CEACAM4: variants seen among roughly 807,000 people sequenced by gnomAD.
The protein encoded by CEACAM4 is cell adhesion molecule CEACAM4.
A neutral mutation model predicts 28.7 loss-of-function variants in CEACAM4; 30 were observed. That is an observed-to-expected ratio of 1.05 (90% CI 0.78 to 1.42). The LOEUF is 1.42. CEACAM4 is among the 40% of genes most tolerant of loss of function. CEACAM4 has a pLI of 0.00. For missense variants in CEACAM4, 330 were observed against 308.2 expected, an observed-to-expected ratio of 1.07 and a Z score of -0.53; for synonymous variants, 143 against 126.5, an observed-to-expected ratio of 1.13 and a Z score of -0.87.
At chr19:41,619,736 C>G in intron 5 of CEACAM4, 25 bp from the exon 6 acceptor site, 1 of 1,541,264 alleles carries the variant, frequency 6.5e-7, no homozygotes, top group Non-Finnish European at 8.8e-7. Flanking sequence ...GAGGAGATGT[C>G]AGGGGACAGG....
At chr19:41,620,504 G>A in intron 4 of CEACAM4, 71 bp downstream of exon 4, 1 of 1,340,564 alleles carries the variant, frequency 7.5e-7, no homozygotes, top group Non-Finnish European at 1.0e-6. Flanking sequence ...GCCCCCAGGG[G>A]GTGACTGGCA....
intron 1 of CEACAM4, among the ~76,000 whole-genome samples, chr19:41,626,266 G>C (rs1364906700): frequency 6.6e-6 from 1 of 152,114 alleles, no homozygotes; most frequent in Non-Finnish European, 1.5e-5. Flanking sequence ...GTTTTTGGGA[G>C]ACCCCTCCCC....
At chr19:41,614,016 T>G (rs142613525), downstream of CEACAM4, among the ~76,000 whole-genome samples, 894 of 152,332 alleles carry the variant, frequency 5.9e-3, 3 homozygotes, top group Middle Eastern at 0.02. Context: ...CATTTTTCAT[T>G]CTTATTTGGC....
At chr19:41,623,917 G>A (rs929128866) in intron 2 of CEACAM4, among the ~76,000 whole-genome samples, 5 of 152,076 alleles carry the variant, frequency 3.3e-5, no homozygotes, top group East Asian at 1.9e-4. Context: ...GGGACTACCC[G>A]CAAGCCTGAT....
chr19:41,620,496 C>CCCA, intron 4 of CEACAM4, 79 bp downstream of exon 4: 1 of 1,273,758 alleles, frequency 7.9e-7, no homozygotes, highest in Non-Finnish European at 1.1e-6. Flanking sequence ...GGTCAGAGGC[C>CCCA]CCCAGGGGGT....
At chr19:41,623,681 C>A (rs369609861) in intron 2 of CEACAM4, among the ~76,000 whole-genome samples, 1 of 151,934 alleles carries the variant, frequency 6.6e-6, no homozygotes, top group African/African-American at 2.4e-5. Context: ...TTCCCACCCC[C>A]CTCAGTCAGT....
intron 4 of CEACAM4, 80 bp downstream of exon 4, chr19:41,620,495 C>A (rs1161137931): frequency 4.7e-5 from 59 of 1,244,868 alleles, no homozygotes; most frequent in Non-Finnish European, 5.4e-5. Flanking sequence ...GGGTCAGAGG[C>A]CCCCAGGGGG....
Position 41,622,853 on chromosome 19 carries a change from T to TATATAG in CEACAM4, c.425-1086_425-1085insCTATAT, listed in dbSNP as rs201784352. Among the ~76,000 whole-genome samples, 55 of 132,330 alleles carry TATATAG rather than the reference T, an allele frequency of 4.2e-4. 1 individual carries two copies. The highest frequency in any genetic ancestry group is 4.1e-3 in the Middle Eastern group (1 of 244). 86.8% of individuals were successfully genotyped at this position (132,330 alleles called of 152,430 possible). On this transcript the variant is annotated intron_variant, in intron 2 of 6. Transcript: ENST00000221954. Reference sequence around the variant, plus strand: ...GATCTCTAGCATATATATACATATATATAGATAGATAGATAGATAGATAGA... The same window carrying TATATAG: ...GATCTCTAGCATATATATACATATATATATAGATAGATAGATAGATAGATAGATAGA...
chr19:41,619,082 C>CT lies in CEACAM4; in HGVS notation c.*247dup. The CT allele has an allele frequency of 1.9e-6, 1 of 532,444 alleles. No individual in the cohort carries two copies. 33.0% of individuals were successfully genotyped at this position (532,444 alleles called of 1,614,324 possible). On this transcript the variant is annotated 3_prime_UTR_variant, in exon 7 of 7. Coordinates refer to ENST00000221954, the MANE Select transcript of CEACAM4 (RefSeq NM_001817.4). ...CCCGGGTGGGCCACAGGCCCATTCA[C>CT]TTTCCTTGCAAGCCCCCGCTTCCTG... is the stretch of plus-strand genomic sequence containing the variant.
intron 6 of CEACAM4, 80 bp from the exon 7 acceptor site, chr19:41,619,475 C>A: frequency 6.3e-7 from 1 of 1,591,602 alleles, no homozygotes; most frequent in Non-Finnish European, 8.6e-7. Flanking sequence ...CTGGGCCCAC[C>A]CAGGGCTTCT....
In CEACAM4 at chr19:41,619,673, A is replaced by G. The variant is rs995692068; in HGVS notation, c.666T>C (p.Tyr222=). The change falls in exon 6 of 7, where the codon TAT becomes TAC. Residue 222 remains tyrosine, a synonymous_variant. Coordinates refer to ENST00000221954, the MANE Select transcript of CEACAM4 (RefSeq NM_001817.4). ...AACATCCATGGCCCACACTCACCTC[A>G]TAGATGGGAGTGGCTGTTCTGGGGC... ...LPSPRTATPI[Y]EELLYSDANI... is the part of the protein sequence containing the mutation. 1.0e-5 allele frequency: 16 copies of G among 1,595,418 alleles called. No homozygotes were observed. Among genetic ancestry groups the G allele is most frequent in the Admixed American group, 3.5e-5 (2 of 57,166 alleles).
intron 1 of CEACAM4, 138 bp from the exon 2 acceptor site, chr19:41,626,098 GT>G (rs1287019269): frequency 1.6e-6 from 1 of 612,952 alleles, no homozygotes; most frequent in African/African-American, 1.9e-5. Flanking sequence ...GTGTGTGTGT[GT>G]GTGTGTGTGT....
At chr19:41,617,946 G>A (rs544040548), downstream of CEACAM4, among the ~76,000 whole-genome samples, 3 of 142,876 alleles carry the variant, frequency 2.1e-5, no homozygotes, top group South Asian at 2.1e-4. Flanking sequence ...TGCAAATCCC[G>A]ATATAAAACA....
At chr19:41,620,481 G>T in intron 4 of CEACAM4, 94 bp downstream of exon 4, 1 of 1,111,460 alleles carries the variant, frequency 9.0e-7, no homozygotes. Flanking sequence ...CAGCCCCAAA[G>T]AAAGGGTCAG....
In CEACAM4 at chr19:41,620,646, A is replaced by G. The variant is rs1177568182; in HGVS notation, c.543-19T>C. On this transcript the variant is annotated intron_variant, in intron 3 of 6. Transcript: ENST00000221954. ...GCTGGCCCTAGGAAAGGTCAGGATT[A>G]TTCATGAGGGTGCAGGGAGAAATCA... The G allele has an allele frequency of 6.2e-7, 1 of 1,609,114 alleles. No homozygotes were observed. Among genetic ancestry groups the G allele is most frequent in the Non-Finnish European group, 8.5e-7 (1 of 1,176,278 alleles).
chr19:41,618,190 G>A (rs2071035713), downstream of CEACAM4, among the ~76,000 whole-genome samples: 1 of 152,132 alleles, frequency 6.6e-6, no homozygotes, highest in African/African-American at 2.4e-5. Context: ...GCGAGATAGG[G>A]CTGTGGGCCA....
At position 41,619,651 on chromosome 19, in the gene CEACAM4, A is replaced by T; in HGVS notation, c.669+19T>A. 5 of 1,590,424 alleles carry T rather than the reference A, an allele frequency of 3.1e-6. No homozygotes were observed. Among genetic ancestry groups the T allele is most frequent in the Admixed American group, 1.8e-5 (1 of 55,776 alleles). On this transcript the variant is annotated intron_variant, in intron 6 of 6. Transcript: ENST00000221954. ...CCCCTGGAGCCTGCGGGACCAGAAC[A>T]TCCATGGCCCACACTCACCTCATAG...
chr19:41,615,745 G>A (rs1180757187), downstream of CEACAM4, among the ~76,000 whole-genome samples: 2 of 152,136 alleles, frequency 1.3e-5, no homozygotes, highest in African/African-American at 4.8e-5. Context: ...GTGTGGGAAT[G>A]TGAGGTGGGG....
At chr19:41,621,864 G>T in intron 2 of CEACAM4, 96 bp from the exon 3 acceptor site, 1 of 737,550 alleles carries the variant, frequency 1.4e-6, no homozygotes, top group Admixed American at 2.2e-5. Context: ...CAGGGAGGAA[G>T]GAAATGCTCC....
Sources: allele counts gnomAD v4.1 joint callset (sites outside exome capture counted in the v4.1 genomes callset), GRCh38; gene constraint gnomAD v4.1.1; transcripts MANE v1.5; gene names NCBI Gene and HGNC (gene_info 2026-07-23, HGNC 2026-07-21).